RIPOR2: variants seen among roughly 807,000 people sequenced by gnomAD.
RIPOR2 encodes the protein RHO family interacting cell polarization regulator 2.
Under a neutral mutation model 114.5 loss-of-function variants are expected in RIPOR2, and 39 were observed. That is an observed-to-expected ratio of 0.34 (90% CI 0.26 to 0.44). The LOEUF (loss-of-function observed/expected upper bound fraction) is 0.44, where lower values mean the gene tolerates loss of function less well. Among genes scored for constraint, RIPOR2 ranks in the 20% least tolerant of loss-of-function variants. The pLI, the probability that RIPOR2 is intolerant of heterozygous loss-of-function variation, is 1.00. For missense variants in RIPOR2, 1,007 were observed against 1,255.1 expected (o/e 0.80, Z 2.99); for synonymous variants, 445 against 484.4 (o/e 0.92, Z 1.07).
At position 24,818,557 on chromosome 6, in the gene RIPOR2, A is replaced by T. The variant is rs9358802; in HGVS notation, c.2937T>A (p.Ala979=). 1 of 1,548,708 alleles carries T rather than the reference A, an allele frequency of 6.5e-7. No homozygotes were observed. The highest frequency in any genetic ancestry group is 8.7e-7 in the Non-Finnish European group (1 of 1,145,056). The part of the protein sequence containing the change: ...NLQLQKAACL[A]LKILEATESI... ...TGGGCTTTACCTCAAGGATTTTCAG[A>T]GCCAGGCAAGCTGCTTTCTGGAGCT... is the stretch of plus-strand genomic sequence containing the variant. The change falls in exon 20 of 22, where the codon GCT becomes GCA. Residue 979 remains alanine (A), a synonymous_variant. Transcript: ENST00000643898.
intron 1 of RIPOR2, among the ~76,000 whole-genome samples, chr6:24,980,682 A>G (rs867186178): frequency 6.6e-6 from 1 of 152,170 alleles, no homozygotes; most frequent in African/African-American, 2.4e-5. Context: ...CCACATCCCC[A>G]GGTGCAAGTG....
At chr6:24,888,634 T>C (rs1364236875) in intron 1 of RIPOR2, among the ~76,000 whole-genome samples, 2 of 152,216 alleles carry the variant, frequency 1.3e-5, no homozygotes, top group African/African-American at 2.4e-5. Flanking sequence ...TGTTTATTAA[T>C]GGGCATGAGG....
At chr6:24,997,520 G>A (rs1231275684) in intron 1 of RIPOR2, among the ~76,000 whole-genome samples, 1 of 152,092 alleles carries the variant, frequency 6.6e-6, no homozygotes, top group African/African-American at 2.4e-5. Context: ...TGGTATTTTG[G>A]GTTAGATAAT....
At chr6:25,035,071 T>C (rs1218824437) in intron 1 of RIPOR2, among the ~76,000 whole-genome samples, 1 of 152,200 alleles carries the variant, frequency 6.6e-6, no homozygotes, top group Admixed American at 6.5e-5. Flanking sequence ...TTTATGCCAG[T>C]ATAAACACTA....
At chr6:24,889,102 G>A (rs1187836545) in intron 1 of RIPOR2, among the ~76,000 whole-genome samples, 1 of 152,188 alleles carries the variant, frequency 6.6e-6, no homozygotes, top group Non-Finnish European at 1.5e-5. Flanking sequence ...AATAATACAT[G>A]AGGTATAAAG....
Position 24,870,560 on chromosome 6 carries a change from C to T in RIPOR2, c.447+306G>A, listed in dbSNP as rs562403001. Among the ~76,000 whole-genome samples, 10 of 152,310 alleles carry T rather than the reference C, an allele frequency of 6.6e-5. No individual in the cohort carries two copies. In the South Asian group the frequency reaches 1.9e-3, roughly 28 times the overall value. On this transcript the variant is annotated intron_variant, in intron 5 of 21. Coordinates refer to ENST00000643898, the MANE Select transcript of RIPOR2 (RefSeq NM_001286445.3). ...TGCTCTCTCAACCCAGGCTGGAGTG[C>T]AGTGGGTGCAATCACGGCTCACTGC...
intron 1 of RIPOR2, among the ~76,000 whole-genome samples, chr6:24,944,918 T>C (rs944527824): frequency 2.0e-5 from 3 of 152,154 alleles, no homozygotes; most frequent in African/African-American, 4.8e-5. Context: ...AATAGTTATA[T>C]AGAAGAAATA....
At chr6:24,957,815 C>T (rs938113761) in intron 1 of RIPOR2, among the ~76,000 whole-genome samples, 14 of 152,168 alleles carry the variant, frequency 9.2e-5, no homozygotes, top group East Asian at 3.9e-4. Flanking sequence ...GCAGAGCTTG[C>T]GGTGAGCTGA....
chr6:25,024,896 T>C (rs1426364334), intron 1 of RIPOR2, among the ~76,000 whole-genome samples: 1 of 152,250 alleles, frequency 6.6e-6, no homozygotes, highest in Non-Finnish European at 1.5e-5. Flanking sequence ...TTTTCTTTGA[T>C]GACTTGGAAA....
chr6:25,037,100 A>G lies in RIPOR2; in HGVS notation c.76+4751T>C, dbSNP rs115377934. On this transcript the variant is annotated intron_variant, in intron 1 of 13. Transcript: ENST00000510784. The surrounding 1 kb of genome is among the most constrained non-coding windows in gnomAD (Gnocchi z 4.5). ...AGGAACTGTGCTAGGCACTTGACAT[A>G]TTTTATGTCTTTTAATCCCCTCCAA... Among the ~76,000 whole-genome samples the G allele has an allele frequency of 4.5e-3, 686 of 152,172 alleles. No individual in the cohort carries two copies. The highest frequency in any genetic ancestry group is 0.015 in the African/African-American group (625 of 41,496).
chr6:24,809,421 A>T (rs1780989502), intron 21 of RIPOR2, among the ~76,000 whole-genome samples: 6 of 152,190 alleles, frequency 3.9e-5, no homozygotes, highest in Admixed American at 2.6e-4. Context: ...CCTTTGCTTT[A>T]TGGTTTGACT....
chr6:24,828,445 C>A (rs1371194256), intron 17 of RIPOR2, 150 bp from the exon 18 acceptor site: 4 of 591,010 alleles, frequency 6.8e-6, no homozygotes, highest in East Asian at 3.3e-5. Context: ...CTCAAGCAGT[C>A]CTCCTGCCTC....
intron 8 of RIPOR2, among the ~76,000 whole-genome samples, chr6:24,857,673 A>G (rs1334099717): frequency 6.6e-6 from 1 of 152,228 alleles, no homozygotes; most frequent in Non-Finnish European, 1.5e-5. Flanking sequence ...CCAGGCATAA[A>G]TAATGCAAGT....
At chr6:24,974,978 A>T (rs1483936956) in intron 1 of RIPOR2, among the ~76,000 whole-genome samples, 3 of 152,232 alleles carry the variant, frequency 2.0e-5, no homozygotes, top group Non-Finnish European at 4.4e-5. Context: ...GGTGGTTGCC[A>T]GGAGCTGGGG....
chr6:24,963,593 G>C (rs2114225540), intron 1 of RIPOR2, among the ~76,000 whole-genome samples: 1 of 152,210 alleles, frequency 6.6e-6, no homozygotes, highest in East Asian at 1.9e-4. Context: ...ATATTAATAT[G>C]TAAGGCATTT....
intron 1 of RIPOR2, among the ~76,000 whole-genome samples, chr6:24,991,998 T>TA (rs1229924706): frequency 6.6e-6 from 1 of 152,018 alleles, no homozygotes; most frequent in African/African-American, 2.4e-5. Context: ...TCCACTGTGA[T>TA]ATTTTAAAAG....
chr6:25,023,272 C>G (rs9348657), intron 1 of RIPOR2: 148,071 of 744,864 alleles, frequency 0.2, 19,765 homozygotes, highest in East Asian at 0.59. Context: ...CCTTGCTCTG[C>G]AGACGATGAT....
intron 17 of RIPOR2, among the ~76,000 whole-genome samples, chr6:24,829,503 C>G (rs1279438776): frequency 1.3e-5 from 2 of 151,978 alleles, no homozygotes; most frequent in East Asian, 3.9e-4. Flanking sequence ...TGGCATCTAT[C>G]TACAGTCCCA....
intron 1 of RIPOR2, among the ~76,000 whole-genome samples, chr6:24,955,698 CAAA>C (rs34104173): frequency 0.01 from 1,416 of 134,884 alleles, 12 homozygotes; most frequent in African/African-American, 0.027. Context: ...GCTGCTCCTT[CAAA>C]AAAAAAAAAA....
Sources: allele counts gnomAD v4.1 joint callset (sites outside exome capture counted in the v4.1 genomes callset), GRCh38; gene constraint gnomAD v4.1.1; non-coding constraint Gnocchi (gnomAD v3.1); transcripts MANE v1.5; gene names NCBI Gene and HGNC (gene_info 2026-07-23, HGNC 2026-07-21).